The following SKP2 variants were observed in gnomAD, a reference collection of about 807,000 sequenced individuals.
SKP2 encodes S-phase kinase associated protein 2.
A neutral mutation model predicts 51.8 loss-of-function variants in SKP2; 16 were observed. That is an observed-to-expected ratio of 0.31 (90% CI 0.21 to 0.47). The LOEUF is 0.47. Ranked by LOEUF, SKP2 falls within the 20% of genes least tolerant of loss-of-function variation. The pLI is 1.00. For synonymous variants in SKP2, 176 were observed against 198.6 expected (o/e 0.89, Z 0.96); for missense variants, 377 against 505.3 (o/e 0.75, Z 2.43).
At chr5:36,156,410 T>C (rs1744948909) in intron 2 of SKP2, among the ~76,000 whole-genome samples, 1 of 152,162 alleles carries the variant, frequency 6.6e-6, no homozygotes, top group Non-Finnish European at 1.5e-5. Flanking sequence ...TGCAAGTTTT[T>C]GTTGGTTCTT....
intron 7 of SKP2, among the ~76,000 whole-genome samples, chr5:36,172,787 C>G (rs1745514866): frequency 6.6e-6 from 1 of 152,050 alleles, no homozygotes; most frequent in Non-Finnish European, 1.5e-5. Flanking sequence ...TTCACCTGTG[C>G]AAGGACTCAA....
chr5:36,159,487 C>A (rs1745057824), intron 2 of SKP2, among the ~76,000 whole-genome samples: 1 of 152,182 alleles, frequency 6.6e-6, no homozygotes, highest in South Asian at 2.1e-4. Context: ...CCCCCCATTC[C>A]CTTACATGCC....
rs775186340 is a variant in SKP2, at chr5:36,152,302, A to AT, written c.8+32_8+33insT. The stretch of plus-strand genomic sequence containing the variant: ...GGATTGCAAAAAGGGGAAGAGCATG[A>AT]AATGGACCCTCTTAATAATTCTTTT... On this transcript the variant is annotated intron_variant, in intron 1 of 9. Coordinates refer to ENST00000274255, the MANE Select transcript of SKP2 (RefSeq NM_005983.4). The AT allele has an allele frequency of 5.0e-6, 8 of 1,601,774 alleles. No homozygotes were observed. In the African/African-American group the frequency reaches 1.1e-4, roughly 21 times the overall value.
intron 3 of SKP2, 104 bp downstream of exon 3, chr5:36,163,860 A>C (rs1745203170): frequency 1.4e-6 from 1 of 712,180 alleles, no homozygotes. Context: ...AAAATAGAGC[A>C]GCGCAAAGCA....
chr5:36,178,632 CA>C (rs1352259699), intron 9 of SKP2, among the ~76,000 whole-genome samples: 1 of 152,088 alleles, frequency 6.6e-6, no homozygotes, highest in Non-Finnish European at 1.5e-5. Context: ...AGCGTCTACC[CA>C]AAAAGGCTTC....
chr5:36,182,313 T>G lies in SKP2; in HGVS notation c.*282T>G. 8.7e-7 allele frequency: 1 copy of G among 1,153,640 alleles called. No homozygotes were observed. The highest frequency in any genetic ancestry group is 3.7e-4 in the Middle Eastern group (1 of 2,718). The allele number at this position is 1,153,640 out of a possible 1,614,324, so 71.5% of individuals were successfully genotyped here. The stretch of plus-strand genomic sequence containing the variant: ...TCAAGATACCTTAAAGAGCAAAATT[T>G]GAGCCACCTCTTCCAAGTGCCCTTC... On this transcript the variant is annotated 3_prime_UTR_variant, in exon 10 of 10. Transcript: ENST00000274255.
At chr5:36,165,379 G>A (rs1269213456) in intron 3 of SKP2, among the ~76,000 whole-genome samples, 3 of 152,170 alleles carry the variant, frequency 2.0e-5, no homozygotes, top group Non-Finnish European at 4.4e-5. Flanking sequence ...CCTAAAAAAT[G>A]TATATTATTT....
At chr5:36,155,196 C>G (rs191606202) in intron 2 of SKP2, 1 of 138,900 alleles carries the variant, frequency 7.2e-6, no homozygotes, top group Non-Finnish European at 1.6e-5. Flanking sequence ...GGAAGACATG[C>G]GGATTCGAGA....
chr5:36,188,930 T>C (rs1745980385), downstream of SKP2, among the ~76,000 whole-genome samples: 1 of 152,228 alleles, frequency 6.6e-6, no homozygotes, highest in African/African-American at 2.4e-5. Context: ...TGTTCGTTTC[T>C]TTTTACTCTT....
chr5:36,183,040 C>T lies in SKP2; in HGVS notation c.*1009C>T. On this transcript the variant is annotated 3_prime_UTR_variant, in exon 10 of 10. Coordinates refer to ENST00000274255, the MANE Select transcript of SKP2 (RefSeq NM_005983.4). The stretch of plus-strand genomic sequence containing the variant: ...CTCAGCAATAATTGTTTGAAACTAT[C>T]CATATATAAGGTTATCAGACCTACA... 2.1e-6 allele frequency: 2 copies of T among 955,836 alleles called. No homozygotes were observed. Among genetic ancestry groups the T allele is most frequent in the Non-Finnish European group, 2.5e-6 (2 of 803,308 alleles). 59.2% of individuals were successfully genotyped at this position (955,836 alleles called of 1,614,324 possible).
intron 9 of SKP2, among the ~76,000 whole-genome samples, chr5:36,179,597 A>G (rs1280818340): frequency 2.0e-5 from 3 of 152,156 alleles, no homozygotes; most frequent in African/African-American, 7.2e-5. Context: ...AATCTAAGAT[A>G]AGACTAAAAG....
intron 2 of SKP2, among the ~76,000 whole-genome samples, chr5:36,158,780 C>T (rs1745032413): frequency 6.6e-6 from 1 of 152,192 alleles, no homozygotes. Context: ...CTGCCACTTA[C>T]TGATTGTGTG....
rs1745827919 is a variant in SKP2 at position 36,182,028 on chromosome 5, A to G, written c.1272A>G (p.Leu424=). 4.3e-6 allele frequency: 7 copies of G among 1,613,962 alleles called. No homozygotes were observed. The highest frequency in any genetic ancestry group is 1.6e-4 in the Middle Eastern group (1 of 6,070). The part of the protein sequence containing the change: ...CRLTLQKPSC[L] ...TGACACTGCAAAAGCCCAGTTGTCT[A>G]TGAAGTATTTATTGCAGGATGGTGT... The change falls in exon 10 of 10, where the codon CTA becomes CTG. Residue 424 remains leucine (L), a synonymous_variant. Coordinates refer to ENST00000274255, the MANE Select transcript of SKP2 (RefSeq NM_005983.4).
chr5:36,162,589 G>A (rs994635871), intron 2 of SKP2, among the ~76,000 whole-genome samples: 2 of 152,076 alleles, frequency 1.3e-5, no homozygotes, highest in Admixed American at 6.6e-5. Context: ...TAGTGTTTTG[G>A]GTCTGATTTA....
intron 5 of SKP2, 64 bp downstream of exon 5, chr5:36,168,511 A>T: frequency 6.7e-7 from 1 of 1,494,132 alleles, no homozygotes; most frequent in Non-Finnish European, 9.3e-7. Context: ...TTTTCCCTGT[A>T]TATAACTGGG....
chr5:36,154,294 C>T (rs1266782310), intron 2 of SKP2, among the ~76,000 whole-genome samples: 1 of 151,912 alleles, frequency 6.6e-6, no homozygotes, highest in Non-Finnish European at 1.5e-5. Flanking sequence ...GAGAAAAGAG[C>T]TCCAAGCAGA....
intron 9 of SKP2, among the ~76,000 whole-genome samples, chr5:36,179,750 CATT>C (rs1025500668): frequency 5.3e-5 from 8 of 152,074 alleles, no homozygotes; most frequent in African/African-American, 1.4e-4. Flanking sequence ...ATACATAAGA[CATT>C]GGTGTGATTT....
chr5:36,153,334 G>A (rs1341147269), intron 2 of SKP2, among the ~76,000 whole-genome samples: 4 of 152,000 alleles, frequency 2.6e-5, no homozygotes, highest in African/African-American at 9.7e-5. Flanking sequence ...CCTGCCTCAA[G>A]GCCAGCTCAG....
At chr5:36,172,961 A>T (rs35418428) in intron 7 of SKP2, among the ~76,000 whole-genome samples, 4,515 of 152,070 alleles carry the variant, frequency 0.03, 112 homozygotes, top group Non-Finnish European at 0.045. Context: ...ACAGTCATTT[A>T]AAAAAAATGT....
Sources: gnomAD v4.1 joint callset for allele counts (sites outside exome capture counted in the v4.1 genomes callset) on GRCh38, gnomAD v4.1.1 for gene constraint, MANE v1.5 for transcripts, NCBI Gene and HGNC (gene_info 2026-07-23, HGNC 2026-07-21) for gene names.